NOS1: variants seen among roughly 807,000 people sequenced by gnomAD.
NOS1 encodes the protein NOS type I.
Under a neutral mutation model 164.5 loss-of-function variants are expected in NOS1, and 51 were observed. The observed-to-expected ratio is 0.31, with a 90% CI of 0.25 to 0.39. NOS1 has a LOEUF of 0.39. Among genes scored for constraint, NOS1 ranks in the 10% least tolerant of loss-of-function variants. The pLI is 1.00. For missense variants in NOS1, 1,362 were observed against 1,885.6 expected, an observed-to-expected ratio of 0.72 and a Z score of 5.14; for synonymous variants, 719 against 745.8, an observed-to-expected ratio of 0.96 and a Z score of 0.59.
chr12:117,216,478 G>A (rs9658552), intron 28 of NOS1, among the ~76,000 whole-genome samples: 5,671 of 151,852 alleles, frequency 0.037, 303 homozygotes, highest in East Asian at 0.12. Context: ...CATCGCGCCC[G>A]GCCTTTTTTT....
At chr12:117,222,987 T>C (rs1399647109) in intron 25 of NOS1, 124 bp from the exon 26 acceptor site, 30 of 1,101,982 alleles carry the variant, frequency 2.7e-5, no homozygotes, top group Non-Finnish European at 3.6e-5. Flanking sequence ...TCACAAACAC[T>C]AGGACAGGCA....
At chr12:117,256,630 A>G (rs1380400963) in intron 16 of NOS1, among the ~76,000 whole-genome samples, 1 of 152,062 alleles carries the variant, frequency 6.6e-6, no homozygotes, top group East Asian at 1.9e-4. Context: ...CAGCTAGAGC[A>G]TTTGATGTTC....
At chr12:117,269,238 T>C (rs149604891) in intron 10 of NOS1, among the ~76,000 whole-genome samples, 64 of 151,490 alleles carry the variant, frequency 4.2e-4, no homozygotes, top group African/African-American at 1.5e-3. Flanking sequence ...GGGGAGAGAG[T>C]GCTCTAGGCA....
In NOS1 at chr12:117,285,306, C is replaced by T. The variant is rs374310920; in HGVS notation, c.1317G>A (p.Thr439=). The change falls in exon 7 of 29, where the codon ACG becomes ACA. Residue 439 remains threonine (T), a synonymous_variant. Transcript: ENST00000317775. ...AGATGTAGTTGAACATCCCGTGGGCCGTGGTGCAGTCACGGGCATCGAATA... is the reference window on the plus strand; with the variant it reads ...AGATGTAGTTGAACATCCCGTGGGCTGTGGTGCAGTCACGGGCATCGAATA... ...LQVFDARDCT[T]AHGMFNYICN... The T allele has an allele frequency of 2.5e-6, 4 of 1,610,406 alleles. No homozygotes were observed. Among genetic ancestry groups the T allele is most frequent in the South Asian group, 2.2e-5 (2 of 90,770 alleles).
intron 9 of NOS1, among the ~76,000 whole-genome samples, chr12:117,276,912 G>A (rs985757501): frequency 3.9e-5 from 6 of 152,012 alleles, no homozygotes; most frequent in Non-Finnish European, 5.9e-5. Flanking sequence ...CTTCCTTAGC[G>A]TTGCAGCTAT....
chr12:117,358,050 C>T (rs1428460563), intron 1 of NOS1, among the ~76,000 whole-genome samples: 3 of 152,188 alleles, frequency 2.0e-5, no homozygotes, highest in South Asian at 2.1e-4. Flanking sequence ...CATTCCAAGC[C>T]CCGCACAGAC....
At chr12:117,302,809 G>A (rs975848826) in intron 3 of NOS1, among the ~76,000 whole-genome samples, 2 of 151,798 alleles carry the variant, frequency 1.3e-5, no homozygotes, top group Non-Finnish European at 2.9e-5. Flanking sequence ...GCAGTGGCAC[G>A]ATCTCAGCTC....
chr12:117,208,201 A>C lies in NOS1; in HGVS notation c.*7108T>G. ...AAACAAGCATAATAGGCTTTTGTTG[A>C]ATCCCATAAAATTGGAAGATGAGAA... On this transcript the variant is annotated 3_prime_UTR_variant, in exon 29 of 29. Transcript: ENST00000317775. 9.1e-7 allele frequency: 1 copy of C among 1,092,994 alleles called. No individual in the cohort carries two copies. The highest frequency in any genetic ancestry group is 1.2e-6 in the Non-Finnish European group (1 of 836,790). The allele number at this position is 1,092,994 out of a possible 1,614,324, so 67.7% of individuals were successfully genotyped here.
At chr12:117,349,005 A>C (rs894191933) in intron 1 of NOS1, among the ~76,000 whole-genome samples, 1 of 152,230 alleles carries the variant, frequency 6.6e-6, no homozygotes, top group African/African-American at 2.4e-5. Flanking sequence ...CATTGGGGAA[A>C]CTAGGTCAGG....
At chr12:117,220,998 C>G (rs567517208) in intron 26 of NOS1, among the ~76,000 whole-genome samples, 2 of 151,974 alleles carry the variant, frequency 1.3e-5, no homozygotes, top group African/African-American at 2.4e-5. Flanking sequence ...CTCTGAGTGC[C>G]CCCCCAACCT....
At chr12:117,355,088 T>C (rs1473311046) in intron 1 of NOS1, among the ~76,000 whole-genome samples, 2 of 152,196 alleles carry the variant, frequency 1.3e-5, no homozygotes, top group Non-Finnish European at 2.9e-5. Context: ...TTAATGCCAG[T>C]GGGCAAATGT....
At chr12:117,302,512 T>C (rs936810864) in intron 3 of NOS1, among the ~76,000 whole-genome samples, 2 of 143,490 alleles carry the variant, frequency 1.4e-5, no homozygotes, top group Admixed American at 1.5e-4. Context: ...GAGAATGGCG[T>C]GAACCCCAGG....
intron 2 of NOS1, among the ~76,000 whole-genome samples, chr12:117,328,626 G>T (rs1163055820): frequency 1.3e-5 from 2 of 151,706 alleles, no homozygotes; most frequent in Non-Finnish European, 2.9e-5. Context: ...GTGTAGTGGC[G>T]CAATCTCAGC....
Position 117,231,962 on chromosome 12 carries a change from C to T in NOS1, c.3405G>A (p.Lys1135=). Reference sequence around the variant, plus strand: ...GGTTGTGCGAAGCCTGGGGACCCACCTTGCTGAGGACCAGCAGACGCTGCT... The same window carrying T: ...GGTTGTGCGAAGCCTGGGGACCCACTTTGCTGAGGACCAGCAGACGCTGCT... ...KEKQRLLVLS[K]GLQEYEEWKW... The change falls in exon 22 of 29, where the codon AAG becomes AAA. Residue 1135 remains lysine, a splice_region_variant and synonymous_variant. Transcript: ENST00000317775. The T allele has an allele frequency of 6.2e-7, 1 of 1,611,458 alleles. No homozygotes were observed. The highest frequency in any genetic ancestry group is 8.5e-7 in the Non-Finnish European group (1 of 1,179,130).
rs765920395 is a variant in NOS1, at chr12:117,272,610, G to A, written c.1665-51C>T. On this transcript the variant is annotated intron_variant, in intron 9 of 28. Coordinates refer to ENST00000317775, the MANE Select transcript of NOS1 (RefSeq NM_000620.5). This position sits in a 1 kb window ranked among gnomAD's most constrained non-coding sequence, Gnocchi z 4.3. ...CACCCGGAGCAGGTGTCTCATGGGCGGGACAGCTTGAATCTAGAGATGCTG... is the reference window on the plus strand; with the variant it reads ...CACCCGGAGCAGGTGTCTCATGGGCAGGACAGCTTGAATCTAGAGATGCTG... The A allele has an allele frequency of 1.9e-5, 29 of 1,550,512 alleles. No individual in the cohort carries two copies. The highest frequency in any genetic ancestry group is 2.7e-5 in the African/African-American group (2 of 72,742).
At chr12:117,319,473 T>C (rs1234931168) in intron 2 of NOS1, among the ~76,000 whole-genome samples, 1 of 152,174 alleles carries the variant, frequency 6.6e-6, no homozygotes, top group Non-Finnish European at 1.5e-5. Flanking sequence ...CTGGGCAGGA[T>C]TCTCAAACTC....
At chr12:117,348,039 T>TG (rs1876435678) in intron 1 of NOS1, 1 of 150,028 alleles carries the variant, frequency 6.7e-6, no homozygotes, top group African/African-American at 2.5e-5. Flanking sequence ...TTTTTTTTTT[T>TG]TAGTGACTCT....
Position 117,209,036 on chromosome 12 carries a change from T to A in NOS1, c.*6273A>T, listed in dbSNP as rs1956488567. On this transcript the variant is annotated 3_prime_UTR_variant, in exon 29 of 29. Coordinates refer to ENST00000317775, the MANE Select transcript of NOS1 (RefSeq NM_000620.5). ...CCACGCCTGGCCTGGGAGGGGTTTTTGAAAGCATACTGCCCTCCCCATGCC... is the reference window on the plus strand; with the variant it reads ...CCACGCCTGGCCTGGGAGGGGTTTTAGAAAGCATACTGCCCTCCCCATGCC... 1 of 985,286 alleles carries A rather than the reference T, an allele frequency of 1.0e-6. No homozygotes were observed. Among genetic ancestry groups the A allele is most frequent in the African/African-American group, 1.7e-5 (1 of 57,202 alleles). 61.0% of individuals were successfully genotyped at this position (985,286 alleles called of 1,614,324 possible).
intron 5 of NOS1, 82 bp from the exon 6 acceptor site, chr12:117,286,348 G>A: frequency 2.1e-6 from 3 of 1,446,454 alleles, no homozygotes; most frequent in South Asian, 2.6e-5. Flanking sequence ...TATTCCAAGA[G>A]GCTGGAAGCT....
Sources: allele counts gnomAD v4.1 joint callset (sites outside exome capture counted in the v4.1 genomes callset), GRCh38; gene constraint gnomAD v4.1.1; non-coding constraint Gnocchi (gnomAD v3.1); transcripts MANE v1.5; gene names NCBI Gene and HGNC (gene_info 2026-07-23, HGNC 2026-07-21).